The following MGAT4C variants were observed in gnomAD, a reference collection of about 807,000 sequenced individuals.
MGAT4C encodes the protein alpha-1,3-mannosyl-glycoprotein 4-beta-N-acetylglucosaminyltransferase C.
In MGAT4C, 19 loss-of-function variants were observed where a neutral mutation model predicts 40.1. The observed-to-expected ratio is 0.47, with a 90% confidence interval of 0.33 to 0.70. MGAT4C has a LOEUF of 0.70. Among genes scored for constraint, MGAT4C ranks in the 30% least tolerant of loss-of-function variants. The probability of loss-of-function intolerance (pLI) is 0.02; values close to 1 mark genes in which losing one functional copy is unlikely to be tolerated. For missense variants in MGAT4C, 491 were observed against 563.2 expected (o/e 0.87, Z 1.30); for synonymous variants, 181 against 187.1 (o/e 0.97, Z 0.27).
intron 2 of MGAT4C, among the ~76,000 whole-genome samples, chr12:86,009,623 C>T (rs1441765663): frequency 6.6e-6 from 1 of 152,162 alleles, no homozygotes; most frequent in Admixed American, 6.5e-5. Context: ...CTTGTTCTGC[C>T]TCTTTTATAA....
chr12:85,985,848 G>C (rs769027885), intron 3 of MGAT4C, among the ~76,000 whole-genome samples: 8 of 152,102 alleles, frequency 5.3e-5, no homozygotes, highest in Non-Finnish European at 1.0e-4. Context: ...GTAATGTAGT[G>C]ATGTACATAA....
chr12:86,315,794 G>A (rs925830824), intron 4 of MGAT4C, among the ~76,000 whole-genome samples: 4 of 151,804 alleles, frequency 2.6e-5, no homozygotes, highest in African/African-American at 7.3e-5. Flanking sequence ...AATAATTTAT[G>A]ATAAAATCCT....
chr12:86,033,162 C>G (rs1489512909), intron 2 of MGAT4C, among the ~76,000 whole-genome samples: 2 of 118,500 alleles, frequency 1.7e-5, no homozygotes, highest in Admixed American at 7.9e-5. Flanking sequence ...TTTGGTTGCT[C>G]TATCCCTATA....
At chr12:86,680,159 A>C (rs1949953749) in intron 2 of MGAT4C, among the ~76,000 whole-genome samples, 1 of 152,078 alleles carries the variant, frequency 6.6e-6, no homozygotes, top group Admixed American at 6.6e-5. Context: ...GACACACAGT[A>C]GATGATCTAT....
intron 2 of MGAT4C, among the ~76,000 whole-genome samples, chr12:86,611,388 A>ATAGG (rs150541086): frequency 0.2 from 30,081 of 148,098 alleles, 3,483 homozygotes; most frequent in African/African-American, 0.3. Flanking sequence ...GGTCCCATAG[A>ATAGG]TAGGTAGGTA....
intron 1 of MGAT4C, among the ~76,000 whole-genome samples, chr12:86,100,739 G>A (rs1015930567): frequency 6.6e-6 from 1 of 151,178 alleles, no homozygotes; most frequent in African/African-American, 2.4e-5. Context: ...TTAATGTAAG[G>A]AACAATACTG....
chr12:86,321,811 G>C (rs1954395959), intron 4 of MGAT4C, among the ~76,000 whole-genome samples: 2 of 152,124 alleles, frequency 1.3e-5, no homozygotes, highest in South Asian at 4.1e-4. Context: ...GGAAGACAGT[G>C]TGGAGATTCC....
chr12:86,826,660 G>A (rs535471116), intron 1 of MGAT4C, among the ~76,000 whole-genome samples: 3 of 151,318 alleles, frequency 2.0e-5, no homozygotes, highest in Admixed American at 6.6e-5. Flanking sequence ...ATCATGGTTC[G>A]TTGGGGGTAG....
intron 2 of MGAT4C, among the ~76,000 whole-genome samples, chr12:86,516,537 A>G (rs996122527): frequency 1.3e-5 from 2 of 152,114 alleles, no homozygotes; most frequent in African/African-American, 4.8e-5. Context: ...AAATGAGTCC[A>G]TTTTCTTGAC....
intron 1 of MGAT4C, among the ~76,000 whole-genome samples, chr12:86,751,021 T>C (rs1435302301): frequency 2.0e-5 from 3 of 151,964 alleles, no homozygotes; most frequent in Non-Finnish European, 4.4e-5. Context: ...GTAAGAGCCT[T>C]GCACATCATA....
chr12:86,149,174 T>G (rs1482604563), intron 1 of MGAT4C, among the ~76,000 whole-genome samples: 2 of 152,168 alleles, frequency 1.3e-5, no homozygotes, highest in Admixed American at 6.5e-5. Flanking sequence ...TTTAAATTTT[T>G]TCATAAAAAT....
chr12:86,401,316 A>ATG (rs1400466281), intron 3 of MGAT4C, among the ~76,000 whole-genome samples: 15 of 150,862 alleles, frequency 9.9e-5, no homozygotes, highest in Non-Finnish European at 3.0e-5. Context: ...ATATATATAT[A>ATG]TTTCTATTAT....
intron 4 of MGAT4C, among the ~76,000 whole-genome samples, chr12:86,280,964 G>C (rs1430778691): frequency 6.6e-6 from 1 of 152,012 alleles, no homozygotes; most frequent in East Asian, 1.9e-4. Context: ...TTTAATTAGA[G>C]TGCTTAATCC....
At chr12:86,418,266 T>TA (rs1364010276) in intron 3 of MGAT4C, among the ~76,000 whole-genome samples, 1 of 152,148 alleles carries the variant, frequency 6.6e-6, no homozygotes, top group Non-Finnish European at 1.5e-5. Context: ...AAGTCTGGGT[T>TA]ATGCTAGAGT....
intron 1 of MGAT4C, among the ~76,000 whole-genome samples, chr12:86,055,661 A>T (rs10746359): frequency 0.8 from 121,518 of 151,942 alleles, 49,195 homozygotes; most frequent in East Asian, 0.97. Flanking sequence ...CACTGGATAC[A>T]CATGTTAATA....
intron 3 of MGAT4C, among the ~76,000 whole-genome samples, chr12:85,986,408 G>A (rs1481967256): frequency 6.6e-6 from 1 of 152,202 alleles, no homozygotes; most frequent in African/African-American, 2.4e-5. Flanking sequence ...TGGGCATGCA[G>A]TGTCTCTTCT....
chr12:86,575,293 ACAGT>A (rs1310500427), intron 2 of MGAT4C, among the ~76,000 whole-genome samples: 2 of 151,792 alleles, frequency 1.3e-5, no homozygotes, highest in Admixed American at 6.6e-5. Context: ...GTGCTATCAA[ACAGT>A]CAGTCTTATT....
intron 1 of MGAT4C, among the ~76,000 whole-genome samples, chr12:86,761,229 A>C (rs1285334483): frequency 6.6e-6 from 1 of 152,182 alleles, no homozygotes. Flanking sequence ...TGAATACTCT[A>C]AATACCAGGG....
chr12:86,825,150 C>T (rs1294581573), intron 1 of MGAT4C, among the ~76,000 whole-genome samples: 1 of 150,816 alleles, frequency 6.6e-6, no homozygotes, highest in Non-Finnish European at 1.5e-5. Context: ...TACTTAATGC[C>T]TAAATATAGA....
Sources: gnomAD v4.1 joint callset for allele counts (sites outside exome capture counted in the v4.1 genomes callset) on GRCh38, gnomAD v4.1.1 for gene constraint, MANE v1.5 for transcripts, NCBI Gene and HGNC (gene_info 2026-07-23, HGNC 2026-07-21) for gene names.